The following SFI1 variants were observed in gnomAD, a reference collection of about 807,000 sequenced individuals.
SFI1 encodes protein SFI1 homolog.
Under a neutral mutation model 207.5 loss-of-function variants are expected in SFI1, and 195 were observed. The ratio of observed to expected loss-of-function variants is 0.94; its 90% CI spans 0.84 to 1.06. The LOEUF (loss-of-function observed/expected upper bound fraction) is 1.06. Among genes scored for constraint, SFI1 ranks in the 50% least tolerant of loss-of-function variants. The pLI, the probability that SFI1 is intolerant of heterozygous loss-of-function variation, is 0.00. For missense variants in SFI1, 1,634 were observed against 1,588.0 expected, an observed-to-expected ratio of 1.03 and a Z score of -0.49; for synonymous variants, 630 against 598.9, an observed-to-expected ratio of 1.05 and a Z score of -0.76.
chr22:31,567,165 A>G (rs1348359913), intron 8 of SFI1, among the ~76,000 whole-genome samples: 1 of 152,152 alleles, frequency 6.6e-6, no homozygotes, highest in East Asian at 1.9e-4. Flanking sequence ...TCGGCCTCCC[A>G]AAGTGTTGGG....
At chr22:31,528,373 G>A (rs552850639) in intron 2 of SFI1, among the ~76,000 whole-genome samples, 2 of 151,986 alleles carry the variant, frequency 1.3e-5, no homozygotes, top group African/African-American at 4.8e-5. Flanking sequence ...GCAGTGAGCT[G>A]TGGTCATGCC....
At chr22:31,530,601 G>A (rs896423790) in intron 3 of SFI1, 4 of 470,558 alleles carry the variant, frequency 8.5e-6, no homozygotes, top group Admixed American at 4.7e-5. Context: ...GGGGCTCACA[G>A]TGCAGAGGGA....
intron 2 of SFI1, among the ~76,000 whole-genome samples, chr22:31,519,247 A>T (rs1389307808): frequency 2.0e-5 from 3 of 151,318 alleles, no homozygotes; most frequent in Admixed American, 6.6e-5. Flanking sequence ...CGAACTATGC[A>T]TCTATCATTT....
At chr22:31,582,298 A>C (rs1467440641) in intron 12 of SFI1, among the ~76,000 whole-genome samples, 3 of 116,152 alleles carry the variant, frequency 2.6e-5, no homozygotes, top group Non-Finnish European at 4.9e-5. Flanking sequence ...CCCAGGCTGG[A>C]GTGCAGTAAG....
In SFI1 at chr22:31,586,635, T is replaced by G. The variant is rs375049481; in HGVS notation, c.1413+1501T>G. Among the ~76,000 whole-genome samples the G allele has an allele frequency of 2.0e-5, 3 of 152,220 alleles. No homozygotes were observed. The South Asian group carries it at 6.2e-4, about 31-fold the overall frequency. The stretch of plus-strand genomic sequence containing the variant: ...TGAAAAGACATTGCCACTTGTTATC[T>G]TAAGTTCATGTAATACAAGTTCACC... On this transcript the variant is annotated intron_variant, in intron 14 of 32. Transcript: ENST00000400288.
chr22:31,559,070 G>C (rs1441301638), intron 7 of SFI1, among the ~76,000 whole-genome samples: 1 of 151,850 alleles, frequency 6.6e-6, no homozygotes, highest in Non-Finnish European at 1.5e-5. Flanking sequence ...GCTTCCCAAA[G>C]TGCTGAGATT....
At chr22:31,553,807 A>G (rs955699217) in intron 6 of SFI1, among the ~76,000 whole-genome samples, 4 of 127,402 alleles carry the variant, frequency 3.1e-5, no homozygotes, top group African/African-American at 1.2e-4. Flanking sequence ...AATTTTGATG[A>G]AGTCCATTCT....
At chr22:31,545,376 GAAAA>G (rs916109620) in intron 4 of SFI1, among the ~76,000 whole-genome samples, 10 of 146,620 alleles carry the variant, frequency 6.8e-5, no homozygotes, top group Non-Finnish European at 1.5e-4. Context: ...AAAAAAAAAA[GAAAA>G]AAAAAATTTG....
intron 15 of SFI1, among the ~76,000 whole-genome samples, chr22:31,590,795 G>T (rs1405052420): frequency 1.3e-5 from 2 of 149,096 alleles, no homozygotes; most frequent in African/African-American, 2.4e-5. Flanking sequence ...GAGCCACTGC[G>T]CCCGGCCAGC....
chr22:31,549,132 A>G (rs532143824), intron 5 of SFI1, among the ~76,000 whole-genome samples: 77 of 151,764 alleles, frequency 5.1e-4, no homozygotes, highest in African/African-American at 1.7e-3. Context: ...ACAAAAAAAT[A>G]CAAAAATTAG....
At chr22:31,588,490 G>T (rs56411340) in intron 14 of SFI1, among the ~76,000 whole-genome samples, 8,523 of 152,242 alleles carry the variant, frequency 0.056, 221 homozygotes, top group Non-Finnish European at 0.065. Flanking sequence ...TGAAGGAGGA[G>T]CAAATAATTT....
In SFI1 at chr22:31,508,237, AT is replaced by A. The variant is rs746239065; in HGVS notation, c.-30-16del. The A allele has an allele frequency of 4.3e-6, 6 of 1,390,578 alleles. No homozygotes were observed. The African/African-American group carries it at 8.5e-5, about 20-fold the overall frequency. The allele number at this position is 1,390,578 out of a possible 1,614,324, so 86.1% of individuals were successfully genotyped here. A position where few individuals can be genotyped will look rare whatever the true frequency, so the allele number is the denominator to read the frequency against. On this transcript the variant is annotated splice_polypyrimidine_tract_variant and intron_variant, in intron 1 of 32. Transcript: ENST00000400288. ...CTGCAAATCATTTTCTCTCTTTTTTATTCTCTTTTTCTTGTAGTTAGAAGGG... is the reference window on the plus strand; with the variant it reads ...CTGCAAATCATTTTCTCTCTTTTTTATCTCTTTTTCTTGTAGTTAGAAGGG...
intron 2 of SFI1, among the ~76,000 whole-genome samples, chr22:31,522,176 T>C (rs2057359823): frequency 6.7e-6 from 1 of 149,808 alleles, no homozygotes; most frequent in Admixed American, 6.7e-5. Context: ...CAAGCTGTTC[T>C]CCCGCCTCAG....
At chr22:31,593,288 C>T (rs1332327438) in intron 15 of SFI1, among the ~76,000 whole-genome samples, 2,306 of 133,466 alleles carry the variant, frequency 0.017, 14 homozygotes, top group Non-Finnish European at 0.021. Context: ...ACGGGGCGGC[C>T]GGGCAGAGAC....
In SFI1 at chr22:31,618,189, A is replaced by G. The variant is rs766135986; in HGVS notation, c.3587A>G (p.Gln1196Arg). 6.9e-6 allele frequency: 11 copies of G among 1,596,812 alleles called. No homozygotes were observed. The highest frequency in any genetic ancestry group is 4.3e-6 in the Non-Finnish European group (5 of 1,173,650). The change falls in exon 32 of 33, where the codon CAG (glutamine) becomes CGG (arginine). Residue 1196 changes from glutamine (Q) to arginine (R), a missense_variant. Gln to Arg is a conservative substitution (Grantham distance 43). Transcript: ENST00000400288. ...LNREEPGPED[Q>R]EVEQQVQKEL... is the part of the protein sequence containing the mutation. Reference sequence around the variant, plus strand: ...AGAGAGGAGCCGGGGCCTGAGGACCAGGAAGTAGAGCAGCAGGTGCAGAAA... The same window carrying G: ...AGAGAGGAGCCGGGGCCTGAGGACCGGGAAGTAGAGCAGCAGGTGCAGAAA...
chr22:31,581,913 G>A (rs1388651497), intron 12 of SFI1, among the ~76,000 whole-genome samples: 3 of 151,772 alleles, frequency 2.0e-5, no homozygotes, highest in Admixed American at 1.3e-4. Flanking sequence ...AAATATTTCA[G>A]CATGCGTCAC....
chr22:31,533,696 T>A (rs1263044139), intron 4 of SFI1, among the ~76,000 whole-genome samples: 1 of 152,230 alleles, frequency 6.6e-6, no homozygotes, highest in Non-Finnish European at 1.5e-5. Context: ...ATTGTTCACC[T>A]CTATTTTACC....
intron 9 of SFI1, among the ~76,000 whole-genome samples, chr22:31,573,483 G>A (rs1206557482): frequency 4.6e-5 from 7 of 150,926 alleles, no homozygotes; most frequent in Admixed American, 2.6e-4. Context: ...TGTCACCCAG[G>A]CTGGAGTGCA....
Position 31,618,125 on chromosome 22 carries a change from C to T in SFI1, c.3523C>T (p.Arg1175Trp), listed in dbSNP as rs368620857. ...ATCTCCACCCCTCAGGTCCTGTCGG[C>T]GGCAAGCGAGCAGCCTGCGCAGGTG... is the stretch of plus-strand genomic sequence containing the variant. ...TTKQNLWSCRRQASSLRRWLE... is the reference protein window; with the variant it reads ...TTKQNLWSCRWQASSLRRWLE... The change falls in exon 32 of 33, where the codon CGG becomes TGG. Residue 1175 changes from arginine to tryptophan, a missense_variant. Arg to Trp is a moderately radical substitution (Grantham distance 101, BLOSUM62 -3). Transcript: ENST00000400288. 127 of 1,575,052 alleles carry T rather than the reference C, an allele frequency of 8.1e-5. 1 individual carries two copies. The highest frequency in any genetic ancestry group is 7.3e-4 in the East Asian group (32 of 43,600).
Sources: gnomAD v4.1 joint callset for allele counts (sites outside exome capture counted in the v4.1 genomes callset) on GRCh38, gnomAD v4.1.1 for gene constraint, MANE v1.5 for transcripts, NCBI Gene and HGNC (gene_info 2026-07-23, HGNC 2026-07-21) for gene names.